The following CALN1 variants were observed in gnomAD, a reference collection of about 807,000 sequenced individuals.
The protein encoded by CALN1 is calneuron 1.
In CALN1, 17 loss-of-function variants were observed where a neutral mutation model predicts 30.6. That is an observed-to-expected ratio of 0.56 (90% confidence interval 0.38 to 0.83). The LOEUF (loss-of-function observed/expected upper bound fraction) is 0.83, where lower values mean the gene tolerates loss of function less well. Among genes scored for constraint, CALN1 ranks in the 40% least tolerant of loss-of-function variants. CALN1 has a pLI of 0.00. For missense variants in CALN1, 291 were observed against 354.9 expected, an observed-to-expected ratio of 0.82 and a Z score of 1.45; for synonymous variants, 156 against 131.4, an observed-to-expected ratio of 1.19 and a Z score of -1.28.
intron 5 of CALN1, among the ~76,000 whole-genome samples, chr7:71,979,639 G>C (rs977774544): frequency 6.6e-6 from 1 of 152,022 alleles, no homozygotes; most frequent in Admixed American, 6.6e-5. Context: ...TTCCTAACAG[G>C]TCATGGACCA....
chr7:71,845,076 G>T (rs750548441), intron 5 of CALN1, among the ~76,000 whole-genome samples: 1 of 151,904 alleles, frequency 6.6e-6, no homozygotes, highest in Non-Finnish European at 1.5e-5. Context: ...TACAGACAGG[G>T]TTTCACCATA....
chr7:72,208,234 T>C (rs1792036920), intron 3 of CALN1, among the ~76,000 whole-genome samples: 2 of 152,354 alleles, frequency 1.3e-5, no homozygotes, highest in African/African-American at 4.8e-5. Flanking sequence ...ATAAGTCACC[T>C]GGTTTTATGA....
chr7:72,092,191 G>C (rs544028196), intron 4 of CALN1, among the ~76,000 whole-genome samples: 2 of 152,214 alleles, frequency 1.3e-5, no homozygotes, highest in South Asian at 4.2e-4. Context: ...ATCTGTTCAT[G>C]AGATTGAAAG....
chr7:71,938,058 GAA>G (rs770950373), intron 5 of CALN1, among the ~76,000 whole-genome samples: 1 of 152,216 alleles, frequency 6.6e-6, no homozygotes, highest in Non-Finnish European at 1.5e-5. Context: ...TGTAGAAAGA[GAA>G]AGAGTTTACC....
At chr7:72,180,031 G>A (rs756008152) in intron 3 of CALN1, among the ~76,000 whole-genome samples, 4 of 152,126 alleles carry the variant, frequency 2.6e-5, no homozygotes, top group Non-Finnish European at 5.9e-5. Flanking sequence ...CACACATGTT[G>A]CTTATCTCTA....
chr7:72,458,185 TAA>T, the CALN1 span, among the ~76,000 whole-genome samples: 28 of 126,012 alleles, frequency 2.2e-4, no homozygotes, highest in Non-Finnish European at 2.4e-4. Flanking sequence ...GTATTATATT[TAA>T]TATATTATAA....
At chr7:72,214,797 A>C (rs570494385) in intron 3 of CALN1, among the ~76,000 whole-genome samples, 2 of 152,068 alleles carry the variant, frequency 1.3e-5, no homozygotes, top group East Asian at 3.9e-4. Context: ...ACCTCCTGTC[A>C]AATCACTGCA....
chr7:71,891,533 T>G (rs548300853), intron 5 of CALN1, among the ~76,000 whole-genome samples: 8 of 152,174 alleles, frequency 5.3e-5, no homozygotes, highest in Non-Finnish European at 8.8e-5. Flanking sequence ...CTACTTAGCT[T>G]TTTGGTGCCT....
At chr7:72,029,208 G>T (rs1176661960) in intron 4 of CALN1, among the ~76,000 whole-genome samples, 2 of 151,774 alleles carry the variant, frequency 1.3e-5, no homozygotes. Flanking sequence ...CTCACTGCAA[G>T]CTCCGCCTCC....
chr7:72,149,963 A>T (rs1563100399), intron 3 of CALN1, among the ~76,000 whole-genome samples: 4 of 140,498 alleles, frequency 2.8e-5, no homozygotes, highest in Non-Finnish European at 4.5e-5. Flanking sequence ...AAAAATACAG[A>T]AAAAAAAAAA....
At chr7:71,931,941 C>G (rs779425481) in intron 5 of CALN1, among the ~76,000 whole-genome samples, 13 of 152,142 alleles carry the variant, frequency 8.5e-5, no homozygotes, top group Non-Finnish European at 1.8e-4. Flanking sequence ...GACACATGAG[C>G]AGAGAATCAG....
At chr7:72,065,752 G>A (rs1455635505) in intron 4 of CALN1, among the ~76,000 whole-genome samples, 1 of 152,052 alleles carries the variant, frequency 6.6e-6, no homozygotes, top group Non-Finnish European at 1.5e-5. Flanking sequence ...AATTAGCCAG[G>A]CGTGGAGGCG....
intron 1 of CALN1, among the ~76,000 whole-genome samples, chr7:72,404,841 A>C (rs1433663907): frequency 6.6e-6 from 1 of 152,218 alleles, no homozygotes; most frequent in East Asian, 1.9e-4. Flanking sequence ...GTAAATCTGC[A>C]CGCACAGTAC....
intron 3 of CALN1, among the ~76,000 whole-genome samples, chr7:72,118,985 G>C: frequency 6.6e-6 from 1 of 152,202 alleles, no homozygotes; most frequent in East Asian, 1.9e-4. Context: ...TATCTACGTT[G>C]TGATCTTATT....
At chr7:72,388,440 T>C (rs1194724940) in intron 2 of CALN1, among the ~76,000 whole-genome samples, 2 of 151,988 alleles carry the variant, frequency 1.3e-5, no homozygotes, top group Non-Finnish European at 2.9e-5. Flanking sequence ...GGACATTAAG[T>C]ACAAACCCGA....
intron 5 of CALN1, among the ~76,000 whole-genome samples, chr7:71,909,251 A>G (rs751915196): frequency 6.6e-6 from 1 of 152,164 alleles, no homozygotes; most frequent in Non-Finnish European, 1.5e-5. Context: ...GGCCTCCGGA[A>G]GTGCTGGTAT....
chr7:72,428,377 T>G (rs193105945), intron 1 of CALN1, among the ~76,000 whole-genome samples: 4 of 151,220 alleles, frequency 2.6e-5, no homozygotes, highest in African/African-American at 9.7e-5. Context: ...ATTTTTTTTT[T>G]GTTTTTATTT....
the CALN1 span, among the ~76,000 whole-genome samples, chr7:72,470,866 C>T: frequency 6.6e-6 from 1 of 152,080 alleles, no homozygotes; most frequent in African/African-American, 2.4e-5. Flanking sequence ...AGAAATTCCC[C>T]GACATAGGTT....
intron 2 of CALN1, among the ~76,000 whole-genome samples, chr7:72,395,344 G>A (rs1291696847): frequency 5.0e-5 from 6 of 119,564 alleles, no homozygotes; most frequent in Non-Finnish European, 8.7e-5. Context: ...ACACACACAC[G>A]CTGCGCACGC....
Sources: gnomAD v4.1 joint callset for allele counts (sites outside exome capture counted in the v4.1 genomes callset) on GRCh38, gnomAD v4.1.1 for gene constraint, MANE v1.5 for transcripts, NCBI Gene and HGNC (gene_info 2026-07-23, HGNC 2026-07-21) for gene names.